The following DSCAM variants were observed in gnomAD, a reference collection of about 807,000 sequenced individuals.
DSCAM encodes cell adhesion molecule DSCAM.
In DSCAM, 47 loss-of-function variants were observed where a neutral mutation model predicts 217.7. The ratio of observed to expected loss-of-function variants is 0.22; its 90% CI spans 0.17 to 0.28. The LOEUF is 0.28. Ranked by LOEUF, DSCAM falls within the 10% of genes least tolerant of loss-of-function variation. DSCAM has a pLI of 1.00. For synonymous variants in DSCAM, 1,056 were observed against 1,015.3 expected (o/e 1.04, Z -0.76); for missense variants, 2,080 against 2,618.3 (o/e 0.79, Z 4.49).
intron 19 of DSCAM, among the ~76,000 whole-genome samples, chr21:40,129,546 G>A (rs1217197796): frequency 6.6e-6 from 1 of 152,214 alleles, no homozygotes; most frequent in Non-Finnish European, 1.5e-5. Context: ...CTAGTTTGAG[G>A]TAAGAACCTA....
chr21:40,369,058 A>T, intron 4 of DSCAM, 41 bp downstream of exon 4: 1 of 1,553,636 alleles, frequency 6.4e-7, no homozygotes, highest in Non-Finnish European at 8.7e-7. Context: ...ACTAACAAAG[A>T]AATAGCAGAC....
At chr21:40,240,936 C>T (rs141394909) in intron 11 of DSCAM, among the ~76,000 whole-genome samples, 35 of 152,174 alleles carry the variant, frequency 2.3e-4, no homozygotes, top group African/African-American at 7.7e-4. Context: ...GCTAACCGTA[C>T]GCAGAAGATT....
chr21:40,799,992 C>T (rs180851421), intron 1 of DSCAM, among the ~76,000 whole-genome samples: 61 of 152,196 alleles, frequency 4.0e-4, no homozygotes, highest in Middle Eastern at 3.4e-3. Flanking sequence ...AGAGGTAATC[C>T]ATTTATTGAT....
In DSCAM at chr21:40,183,476, G is replaced by A. The variant is rs376850874; in HGVS notation, c.2779+3655C>T. Among the ~76,000 whole-genome samples, 344 of 152,344 alleles carry A rather than the reference G, an allele frequency of 2.3e-3. 1 individual carries two copies. Among genetic ancestry groups the A allele is most frequent in the African/African-American group, 8.0e-3 (331 of 41,582 alleles). On this transcript the variant is annotated intron_variant, in intron 14 of 32. Coordinates refer to ENST00000400454, the MANE Select transcript of DSCAM (RefSeq NM_001389.5). ...CCACTGGGCATGACCAGAGTTAGGG[G>A]GGCAGGAGATGATGACAGGAGATAC...
intron 30 of DSCAM, among the ~76,000 whole-genome samples, chr21:40,045,226 CTCAT>C (rs992525461): frequency 2.0e-5 from 3 of 152,198 alleles, no homozygotes; most frequent in African/African-American, 7.2e-5. Flanking sequence ...CATATTACTA[CTCAT>C]TGTTTTAATG....
rs543182776 is a variant in DSCAM, at chr21:40,379,599, C to T, written c.509-10354G>A. 5.9e-5 allele frequency among the ~76,000 whole-genome samples: 9 copies of T among 152,256 alleles called. No individual in the cohort carries two copies. In the South Asian group the frequency reaches 1.9e-3, roughly 32 times the overall value. ...TCTTCCTGAACTTCTGTGATAATTC[C>T]CCATTTCACACATAATTGCATCAGT... On this transcript the variant is annotated intron_variant, in intron 3 of 32. Transcript: ENST00000400454.
At chr21:40,543,354 C>A (rs1451565210) in intron 3 of DSCAM, among the ~76,000 whole-genome samples, 2 of 152,192 alleles carry the variant, frequency 1.3e-5, no homozygotes, top group Non-Finnish European at 2.9e-5. Context: ...CTGGGATCCA[C>A]CATTTGGCAT....
intron 10 of DSCAM, among the ~76,000 whole-genome samples, chr21:40,283,821 A>C (rs1021135631): frequency 1.3e-5 from 2 of 152,212 alleles, no homozygotes; most frequent in Admixed American, 6.5e-5. Context: ...AAATGCCTGC[A>C]TGCAAGGAGA....
chr21:40,335,179 A>C (rs2074417321), intron 8 of DSCAM, among the ~76,000 whole-genome samples: 1 of 152,050 alleles, frequency 6.6e-6, no homozygotes, highest in African/African-American at 2.4e-5. Context: ...TTTCCCGACT[A>C]TTCTGAAAAA....
intron 11 of DSCAM, among the ~76,000 whole-genome samples, chr21:40,258,558 A>T (rs530174858): frequency 6.6e-6 from 1 of 152,374 alleles, no homozygotes; most frequent in African/African-American, 2.4e-5. Flanking sequence ...CTTAGAAGCG[A>T]AATTTATTCA....
intron 3 of DSCAM, among the ~76,000 whole-genome samples, chr21:40,489,736 C>A (rs1358647155): frequency 8.1e-6 from 1 of 123,922 alleles, no homozygotes; most frequent in Non-Finnish European, 1.6e-5. Flanking sequence ...GATCCCGCCA[C>A]TGCACTCCAG....
intron 3 of DSCAM, among the ~76,000 whole-genome samples, chr21:40,381,733 G>A (rs970666521): frequency 1.3e-5 from 2 of 152,170 alleles, no homozygotes; most frequent in Non-Finnish European, 2.9e-5. Context: ...CTATGTTGTG[G>A]CCACTTAATA....
chr21:40,468,941 A>C (rs1405782041), intron 3 of DSCAM, among the ~76,000 whole-genome samples: 1 of 152,154 alleles, frequency 6.6e-6, no homozygotes, highest in Non-Finnish European at 1.5e-5. Context: ...TCCATAAAGA[A>C]ATACAGGGAA....
intron 1 of DSCAM, among the ~76,000 whole-genome samples, chr21:40,738,748 T>C (rs890707335): frequency 3.3e-5 from 5 of 152,200 alleles, no homozygotes; most frequent in African/African-American, 1.2e-4. Flanking sequence ...ACGTTGATGC[T>C]GCCAGTCAGG....
At chr21:40,017,171 T>C (rs1250694033) in intron 32 of DSCAM, among the ~76,000 whole-genome samples, 2 of 151,656 alleles carry the variant, frequency 1.3e-5, no homozygotes, top group Non-Finnish European at 2.9e-5. Flanking sequence ...TAAAAATGCA[T>C]TTTATACAAT....
intron 11 of DSCAM, among the ~76,000 whole-genome samples, chr21:40,250,594 C>T (rs1398276471): frequency 1.3e-5 from 2 of 152,206 alleles, no homozygotes; most frequent in African/African-American, 2.4e-5. Flanking sequence ...CCCCAGATGG[C>T]TTCACTGTTG....
At chr21:40,438,522 T>C (rs1172858601) in intron 3 of DSCAM, among the ~76,000 whole-genome samples, 2 of 152,180 alleles carry the variant, frequency 1.3e-5, no homozygotes, top group South Asian at 2.1e-4. Context: ...TGGCACCAAA[T>C]TGAATCTTGC....
At chr21:40,685,355 A>C (rs1343466625) in intron 3 of DSCAM, among the ~76,000 whole-genome samples, 1 of 152,168 alleles carries the variant, frequency 6.6e-6, no homozygotes, top group African/African-American at 2.4e-5. Context: ...AGAGTGGCTC[A>C]CTGCCTGAAC....
In DSCAM at chr21:40,626,164, G is replaced by A. The variant is rs556832985; in HGVS notation, c.508+66646C>T. The stretch of plus-strand genomic sequence containing the variant: ...TGGGAAATGCCAAATCGCATCACAG[G>A]GAGTGGACAGAGGAGTGTTGCGCAA... On this transcript the variant is annotated intron_variant, in intron 3 of 32. Transcript: ENST00000400454. 5.9e-5 allele frequency among the ~76,000 whole-genome samples: 9 copies of A among 152,166 alleles called. No homozygotes were observed. The East Asian group carries it at 1.7e-3, about 29-fold the overall frequency.
Sources: gnomAD v4.1 joint callset for allele counts (sites outside exome capture counted in the v4.1 genomes callset) on GRCh38, gnomAD v4.1.1 for gene constraint, MANE v1.5 for transcripts, NCBI Gene and HGNC (gene_info 2026-07-23, HGNC 2026-07-21) for gene names.